Variants in SCN8A observed in about 807,000 individuals in gnomAD.
SCN8A encodes sodium channel protein type 8 subunit alpha.
SCN8A carries 30 observed loss-of-function variants against 184.1 expected under a neutral mutation model. The ratio of observed to expected loss-of-function variants is 0.16; its 90% CI spans 0.12 to 0.22. SCN8A has a LOEUF of 0.22. SCN8A is among the 10% of genes least tolerant of loss of function. SCN8A has a pLI of 1.00. For synonymous variants in SCN8A, 852 were observed against 907.0 expected (o/e 0.94, Z 1.09); for missense variants, 1,057 against 2,498.9 (o/e 0.42, Z 12.30).
chr12:51,770,441 A>T, intron 18 of SCN8A, 88 bp from the exon 19 acceptor site: 1 of 1,401,176 alleles, frequency 7.1e-7, no homozygotes, highest in Non-Finnish European at 9.6e-7. Context: ...GTGGGGCAGC[A>T]CCTGGCAGGG....
intron 12 of SCN8A, among the ~76,000 whole-genome samples, chr12:51,733,634 A>G (rs1942278795): frequency 6.6e-6 from 1 of 152,096 alleles, no homozygotes. Context: ...AATAATTTAA[A>G]TAGGATTGAC....
chr12:51,602,919 G>A (rs1486207061), intron 1 of SCN8A, among the ~76,000 whole-genome samples: 1 of 152,028 alleles, frequency 6.6e-6, no homozygotes, highest in Non-Finnish European at 1.5e-5. Context: ...GCTCATGAAT[G>A]GCAAATATTA....
intron 2 of SCN8A, among the ~76,000 whole-genome samples, chr12:51,677,215 G>C (rs1373440491): frequency 6.6e-6 from 1 of 151,834 alleles, no homozygotes; most frequent in African/African-American, 2.4e-5. Flanking sequence ...TCCTAAGTAA[G>C]CTGGGTCTAC....
chr12:51,680,458 C>G (rs1283958718), intron 2 of SCN8A, among the ~76,000 whole-genome samples: 1 of 152,204 alleles, frequency 6.6e-6, no homozygotes, highest in African/African-American at 2.4e-5. Context: ...TTTCTTCAAC[C>G]AAGGTGTAAC....
chr12:51,638,744 C>A (rs187873388), intron 1 of SCN8A, among the ~76,000 whole-genome samples: 1 of 152,254 alleles, frequency 6.6e-6, no homozygotes, highest in Admixed American at 6.5e-5. Context: ...CTCAGCCTCC[C>A]AAAGTGCTGG....
intron 14 of SCN8A, among the ~76,000 whole-genome samples, chr12:51,760,767 A>G (rs1209694158): frequency 1.3e-5 from 2 of 151,526 alleles, no homozygotes; most frequent in African/African-American, 4.8e-5. Flanking sequence ...TCTTTGTGGA[A>G]TTTTTTTTTC....
intron 2 of SCN8A, among the ~76,000 whole-genome samples, chr12:51,668,484 A>G (rs1376045614): frequency 6.6e-6 from 1 of 152,146 alleles, no homozygotes; most frequent in Admixed American, 6.5e-5. Context: ...TTATTAATTG[A>G]TTCTCAGCCT....
chr12:51,754,853 C>T (rs303776), intron 14 of SCN8A, among the ~76,000 whole-genome samples: 112,211 of 152,106 alleles, frequency 0.74, 44,049 homozygotes, highest in East Asian at 0.91. Context: ...ATCTTCTTCA[C>T]GTTGTATCTA....
At chr12:51,682,628 C>A (rs1170914158) in intron 2 of SCN8A, among the ~76,000 whole-genome samples, 3 of 152,068 alleles carry the variant, frequency 2.0e-5, no homozygotes, top group Admixed American at 6.5e-5. Context: ...GTCTTATGTT[C>A]CTTTTTTCTT....
chr12:51,683,877 G>A (rs1054862223), intron 2 of SCN8A, among the ~76,000 whole-genome samples: 1 of 152,116 alleles, frequency 6.6e-6, no homozygotes, highest in Admixed American at 6.5e-5. Flanking sequence ...CTTCAGTATC[G>A]TGTACAGAGC....
chr12:51,799,839 T>G (rs1178481815), intron 26 of SCN8A, among the ~76,000 whole-genome samples: 2 of 152,198 alleles, frequency 1.3e-5, no homozygotes, highest in East Asian at 3.9e-4. Flanking sequence ...TCCTTCACCT[T>G]AGAAGGAATA....
chr12:51,609,204 T>C (rs1450972254), intron 1 of SCN8A, among the ~76,000 whole-genome samples: 2 of 152,230 alleles, frequency 1.3e-5, no homozygotes, highest in Non-Finnish European at 2.9e-5. Flanking sequence ...AGAATGTGTA[T>C]TCTGTGGTTG....
chr12:51,716,258 G>A (rs1189819179), intron 11 of SCN8A, among the ~76,000 whole-genome samples: 2 of 152,208 alleles, frequency 1.3e-5, no homozygotes, highest in Admixed American at 1.3e-4. Context: ...GGGAGGCTGA[G>A]GTGAGAGGAT....
intron 23 of SCN8A, 100 bp from the exon 24 acceptor site, chr12:51,789,181 G>A: frequency 2.3e-6 from 3 of 1,310,126 alleles, no homozygotes; most frequent in Non-Finnish European, 3.2e-6. Flanking sequence ...ACCCCAAGAT[G>A]TTTAGCAGCT....
At chr12:51,783,451 A>C (rs1272794405) in intron 21 of SCN8A, among the ~76,000 whole-genome samples, 3 of 152,216 alleles carry the variant, frequency 2.0e-5, no homozygotes, top group Admixed American at 1.3e-4. Flanking sequence ...CTCCAATTAC[A>C]GACTCAGAGC....
intron 26 of SCN8A, among the ~76,000 whole-genome samples, chr12:51,798,875 C>A (rs1938483084): frequency 6.6e-6 from 1 of 152,224 alleles, no homozygotes; most frequent in Non-Finnish European, 1.5e-5. Flanking sequence ...AGTCCCTGAC[C>A]ATCCAGCCAA....
intron 2 of SCN8A, among the ~76,000 whole-genome samples, chr12:51,672,027 A>G (rs555156966): frequency 3.9e-5 from 6 of 151,920 alleles, no homozygotes; most frequent in Non-Finnish European, 8.8e-5. Flanking sequence ...GTGCCTTTCT[A>G]CCTCCTCTGG....
intron 6 of SCN8A, among the ~76,000 whole-genome samples, chr12:51,696,502 T>A (rs537975524): frequency 1.3e-5 from 2 of 152,358 alleles, no homozygotes; most frequent in South Asian, 4.1e-4. Context: ...AGTACCTTCT[T>A]ACCTAGCTGT....
At chr12:51,780,191 C>A (rs1334422729) in intron 20 of SCN8A, 2 of 456,050 alleles carry the variant, frequency 4.4e-6, no homozygotes, top group Admixed American at 4.7e-5. Flanking sequence ...TATCTGTATT[C>A]TTTTCCATAG....
Sources: gnomAD v4.1 joint callset for allele counts (sites outside exome capture counted in the v4.1 genomes callset) on GRCh38, gnomAD v4.1.1 for gene constraint, MANE v1.5 for transcripts, NCBI Gene and HGNC (gene_info 2026-07-23, HGNC 2026-07-21) for gene names.